The following TENM2 variants were observed in gnomAD, a reference collection of about 807,000 sequenced individuals.
TENM2 encodes the protein teneurin-2.
A neutral mutation model predicts 245.2 loss-of-function variants in TENM2; 52 were observed. The observed-to-expected ratio is 0.21, with a 90% CI of 0.17 to 0.27. The LOEUF (loss-of-function observed/expected upper bound fraction) is 0.27. Among genes scored for constraint, TENM2 ranks in the 10% least tolerant of loss-of-function variants. TENM2 has a pLI of 1.00. For synonymous variants in TENM2, 1,363 were observed against 1,438.9 expected (o/e 0.95, Z 1.19); for missense variants, 3,046 against 3,666.8 (o/e 0.83, Z 4.37).
At chr5:167,646,659 A>T (rs1238809130) in intron 2 of TENM2, among the ~76,000 whole-genome samples, 1 of 152,040 alleles carries the variant, frequency 6.6e-6, no homozygotes, top group Non-Finnish European at 1.5e-5. Flanking sequence ...CGTGAACCAG[A>T]CTGGCTGTGA....
chr5:167,552,526 C>A (rs570520864), intron 2 of TENM2, among the ~76,000 whole-genome samples: 5 of 152,130 alleles, frequency 3.3e-5, no homozygotes, highest in African/African-American at 7.2e-5. Flanking sequence ...ATCCTTCCCC[C>A]CAACCCGCCG....
chr5:167,344,071 G>A (rs1427603259), intron 1 of TENM2, among the ~76,000 whole-genome samples: 1 of 150,788 alleles, frequency 6.6e-6, no homozygotes, highest in Non-Finnish European at 1.5e-5. Context: ...GTCATGAGAT[G>A]AGCAATTCCA....
intron 2 of TENM2, among the ~76,000 whole-genome samples, chr5:167,557,360 A>G (rs1218359746): frequency 2.6e-5 from 4 of 152,226 alleles, no homozygotes; most frequent in Non-Finnish European, 5.9e-5. Context: ...AGCTAAGAGC[A>G]TGAGCTCTGG....
At chr5:168,109,930 C>T (rs1794540474) in intron 9 of TENM2, among the ~76,000 whole-genome samples, 1 of 152,090 alleles carries the variant, frequency 6.6e-6, no homozygotes, top group Non-Finnish European at 1.5e-5. Flanking sequence ...AACGCGGCAG[C>T]TCCTGATGTT....
At position 167,746,675 on chromosome 5, in the gene TENM2, CAGAGAGAGAGAGAG is replaced by C. The variant is rs57973052; in HGVS notation, c.503-129284_503-129271del. Among the ~76,000 whole-genome samples the C allele has an allele frequency of 1.2e-4, 14 of 117,196 alleles. No homozygotes were observed. The South Asian group carries it at 1.8e-3, about 15-fold the overall frequency. 76.9% of individuals were successfully genotyped at this position (117,196 alleles called of 152,430 possible). A position where few individuals can be genotyped will look rare whatever the true frequency, so the allele number is the denominator to read the frequency against. On this transcript the variant is annotated intron_variant, in intron 2 of 28. Transcript: ENST00000518659. The stretch of plus-strand genomic sequence containing the variant: ...GGGCACTGTAGAGCTAAATTACCAA[CAGAGAGAGAGAGAG>C]AGAGAGAGAGAGAGAGAGAGAGAGA...
At chr5:167,455,708 A>G (rs747019168) in intron 2 of TENM2, among the ~76,000 whole-genome samples, 1 of 151,954 alleles carries the variant, frequency 6.6e-6, no homozygotes, top group African/African-American at 2.4e-5. Flanking sequence ...TGCCTCCCCA[A>G]TTCTCCTTGG....
At chr5:167,265,435 G>A in the TENM2 span, among the ~76,000 whole-genome samples, 2 of 151,926 alleles carry the variant, frequency 1.3e-5, no homozygotes, top group African/African-American at 2.4e-5. Context: ...ACTGGTTATG[G>A]CATCATCAAA....
At chr5:167,455,271 T>G (rs983478482) in intron 2 of TENM2, among the ~76,000 whole-genome samples, 2 of 152,192 alleles carry the variant, frequency 1.3e-5, no homozygotes, top group African/African-American at 4.8e-5. Context: ...AAACAACAAA[T>G]ATACAGTTCA....
At chr5:167,353,665 G>C (rs977264615) in intron 1 of TENM2, among the ~76,000 whole-genome samples, 1 of 151,294 alleles carries the variant, frequency 6.6e-6, no homozygotes, top group African/African-American at 2.4e-5. Context: ...CCGCCACTAC[G>C]CCCGGCTAAT....
At chr5:167,617,135 C>T (rs918570136) in intron 2 of TENM2, among the ~76,000 whole-genome samples, 1 of 152,132 alleles carries the variant, frequency 6.6e-6, no homozygotes, top group Non-Finnish European at 1.5e-5. Flanking sequence ...TTAAGAGTTG[C>T]TTTTTCCCTT....
At position 167,912,857 on chromosome 5, in the gene TENM2, CT is replaced by C. The variant is rs1286256553; in HGVS notation, c.712+36664del. 2.0e-5 allele frequency among the ~76,000 whole-genome samples: 3 copies of C among 152,262 alleles called. No individual in the cohort carries two copies. In the East Asian group the frequency reaches 5.8e-4, roughly 29 times the overall value. The stretch of plus-strand genomic sequence containing the variant: ...GTAACTAGAGAGTGGGGGTAATTTA[CT>C]TAATGTACACATTTTGTCCATCAAT... On this transcript the variant is annotated intron_variant, in intron 3 of 28. Coordinates refer to ENST00000518659, the Ensembl canonical transcript of TENM2.
At chr5:167,430,311 C>A (rs1053652059) in intron 2 of TENM2, among the ~76,000 whole-genome samples, 3 of 152,100 alleles carry the variant, frequency 2.0e-5, no homozygotes, top group Admixed American at 6.6e-5. Context: ...CAAACTCGTA[C>A]GGTAGAGATT....
At chr5:167,196,486 G>GTATATATATGTGTGTA in the TENM2 span, among the ~76,000 whole-genome samples, 1 of 144,182 alleles carries the variant, frequency 6.9e-6, no homozygotes, top group African/African-American at 2.8e-5. Context: ...ATATATGTGT[G>GTATATATATGTGTGTA]TATATATATA....
intron 3 of TENM2, among the ~76,000 whole-genome samples, chr5:167,901,741 T>C (rs1223871463): frequency 1.3e-5 from 2 of 152,238 alleles, no homozygotes; most frequent in African/African-American, 2.4e-5. Context: ...TCCATCATGC[T>C]GGCACATCGC....
intron 2 of TENM2, among the ~76,000 whole-genome samples, chr5:167,431,223 C>T (rs1764201988): frequency 6.6e-6 from 1 of 152,102 alleles, no homozygotes; most frequent in Non-Finnish European, 1.5e-5. Flanking sequence ...TGAACCATTA[C>T]ATATGGAAGA....
chr5:168,067,588 T>C (rs911708531), intron 7 of TENM2, among the ~76,000 whole-genome samples: 6 of 152,330 alleles, frequency 3.9e-5, no homozygotes, highest in African/African-American at 1.4e-4. Context: ...CAGATCCTCA[T>C]TTGAAAATGA....
intron 2 of TENM2, among the ~76,000 whole-genome samples, chr5:167,668,838 C>CTACTTGT (rs1755745871): frequency 6.6e-6 from 1 of 152,050 alleles, no homozygotes; most frequent in Non-Finnish European, 1.5e-5. Flanking sequence ...CCTGTAGTCC[C>CTACTTGT]AGCTACTTGT....
the TENM2 span, among the ~76,000 whole-genome samples, chr5:167,095,783 T>C: frequency 1.3e-5 from 2 of 151,430 alleles, no homozygotes; most frequent in African/African-American, 4.8e-5. Flanking sequence ...TTTTTTTTTT[T>C]TTTGAGACAA....
At chr5:167,769,997 A>G (rs1763299017) in intron 2 of TENM2, among the ~76,000 whole-genome samples, 1 of 152,176 alleles carries the variant, frequency 6.6e-6, no homozygotes, top group African/African-American at 2.4e-5. Context: ...ATTCAAAGCT[A>G]CTTTCTGTCT....
Sources: gnomAD v4.1 joint callset for allele counts (sites outside exome capture counted in the v4.1 genomes callset) on GRCh38, gnomAD v4.1.1 for gene constraint, MANE v1.5 for transcripts, NCBI Gene and HGNC (gene_info 2026-07-23, HGNC 2026-07-21) for gene names.